Variants in CCDC38 observed in about 807,000 individuals in gnomAD.
CCDC38 encodes coiled-coil domain-containing protein 38.
A neutral mutation model predicts 72.8 loss-of-function variants in CCDC38; 69 were observed. That is an observed-to-expected ratio of 0.95 (90% CI 0.78 to 1.16). The LOEUF (loss-of-function observed/expected upper bound fraction) is 1.16. Among genes scored for constraint, CCDC38 ranks in the 50% most tolerant of loss-of-function variants. The pLI, the probability that CCDC38 is intolerant of heterozygous loss-of-function variation, is 0.00. For synonymous variants in CCDC38, 201 were observed against 213.2 expected (o/e 0.94, Z 0.50); for missense variants, 626 against 638.9 (o/e 0.98, Z 0.22).
chr12:95,934,274 G>A (rs1313895493), intron 2 of CCDC38: 2 of 152,120 alleles, frequency 1.3e-5, no homozygotes, highest in Non-Finnish European at 2.9e-5. Flanking sequence ...TGTAGTTATT[G>A]TCAGGTTGTA....
At chr12:95,895,463 G>A (rs978744664) in intron 7 of CCDC38, among the ~76,000 whole-genome samples, 1 of 152,012 alleles carries the variant, frequency 6.6e-6, no homozygotes, top group Non-Finnish European at 1.5e-5. Context: ...TTAGAAGGTA[G>A]CAAAAGGGCC....
chr12:95,890,698 C>G, intron 9 of CCDC38, 134 bp downstream of exon 9: 1 of 550,708 alleles, frequency 1.8e-6, no homozygotes, highest in Non-Finnish European at 3.2e-6. Context: ...AGAACCAGAG[C>G]CCCTGGCTGC....
intron 8 of CCDC38, among the ~76,000 whole-genome samples, chr12:95,893,144 C>T (rs1023781151): frequency 6.6e-6 from 1 of 152,132 alleles, no homozygotes; most frequent in African/African-American, 2.4e-5. Context: ...AAAACTTATA[C>T]ATTAGTTTTA....
At chr12:95,919,166 CG>C (rs1458684116) in intron 2 of CCDC38, among the ~76,000 whole-genome samples, 190 bp from the exon 3 acceptor site, 1 of 152,154 alleles carries the variant, frequency 6.6e-6, no homozygotes, top group South Asian at 2.1e-4. Flanking sequence ...ATTTGTGGAT[CG>C]GGCAGCCCCC....
chr12:95,897,800 T>G (rs1386304093), intron 7 of CCDC38, among the ~76,000 whole-genome samples: 1 of 152,114 alleles, frequency 6.6e-6, no homozygotes, highest in Admixed American at 6.6e-5. Flanking sequence ...CCCACTGTGT[T>G]GCTAAGACTT....
Position 95,900,666 on chromosome 12 carries a change from CTGAG to C in CCDC38, c.370-1939_370-1936del, listed in dbSNP as rs139987978. On this transcript the variant is annotated intron_variant, in intron 5 of 15. Coordinates refer to ENST00000344280, the MANE Select transcript of CCDC38 (RefSeq NM_182496.3). ...ACCTGTGCAATTGTCATTAGAATGCCTGAGTATTTGTACTGGCAAAAATACATAT... is the reference window on the plus strand; with the variant it reads ...ACCTGTGCAATTGTCATTAGAATGCCTATTTGTACTGGCAAAAATACATAT... Among the ~76,000 whole-genome samples, 41 of 152,194 alleles carry C rather than the reference CTGAG, an allele frequency of 2.7e-4. No homozygotes were observed. The East Asian group carries it at 5.0e-3, about 19-fold the overall frequency.
chr12:95,900,647 G>A (rs1380230279), intron 5 of CCDC38, among the ~76,000 whole-genome samples: 2 of 152,122 alleles, frequency 1.3e-5, no homozygotes, highest in African/African-American at 4.8e-5. Flanking sequence ...TTACACCTGT[G>A]CAATTGTCAT....
At position 95,867,158 on chromosome 12, in the gene CCDC38, G is replaced by T. The variant is rs746895617; in HGVS notation, c.1610C>A (p.Pro537His). 2 of 1,606,188 alleles carry T rather than the reference G, an allele frequency of 1.2e-6. No homozygotes were observed. The highest frequency in any genetic ancestry group is 1.7e-6 in the Non-Finnish European group (2 of 1,175,360). The change falls in exon 16 of 16, where the codon CCT (proline) becomes CAT (histidine). Residue 537 changes from proline (P) to histidine (H), a missense_variant. By Grantham distance (77) the Pro-to-His change is moderately conservative. Coordinates refer to ENST00000344280, the MANE Select transcript of CCDC38 (RefSeq NM_182496.3). ...TAGCTGCTGTTTGTTACCAGATGGA[G>T]GTTTTGAATGAAAGACAAGTCGTCT... The part of the protein sequence containing the change: ...LGRRLVFHSK[P>H]PSGNKQQLPL...
At chr12:95,933,762 T>G (rs547438097) in intron 2 of CCDC38, 6 of 152,360 alleles carry the variant, frequency 3.9e-5, no homozygotes, top group African/African-American at 1.4e-4. Context: ...AGCAATAAGC[T>G]GAAAACAACC....
intron 1 of CCDC38, among the ~76,000 whole-genome samples, chr12:95,937,982 C>T (rs925611812): frequency 1.3e-5 from 2 of 152,176 alleles, no homozygotes; most frequent in Non-Finnish European, 2.9e-5. Flanking sequence ...CTTGAGGATT[C>T]AGTGGGCAAT....
intron 5 of CCDC38, chr12:95,903,461 T>C (rs1325591781): frequency 1.4e-6 from 1 of 700,208 alleles, no homozygotes; most frequent in African/African-American, 1.7e-5. Flanking sequence ...CCTTGCCTTG[T>C]TCCTAATCTT....
intron 4 of CCDC38, among the ~76,000 whole-genome samples, chr12:95,912,065 C>A (rs1300375687): frequency 3.9e-5 from 6 of 152,174 alleles, no homozygotes; most frequent in Admixed American, 3.9e-4. Flanking sequence ...TCCTTTGCAG[C>A]AACATGGATA....
chr12:95,894,055 C>T (rs1414748586), intron 8 of CCDC38, among the ~76,000 whole-genome samples: 1 of 152,044 alleles, frequency 6.6e-6, no homozygotes, highest in African/African-American at 2.4e-5. Flanking sequence ...CCCGTCTCTA[C>T]TAAAAATACA....
At chr12:95,936,382 G>A in intron 2 of CCDC38, 91 bp downstream of exon 2, 1 of 1,163,064 alleles carries the variant, frequency 8.6e-7, no homozygotes, top group South Asian at 1.5e-5. Flanking sequence ...TATTTATGGT[G>A]TAACATTCTC....
intron 13 of CCDC38, among the ~76,000 whole-genome samples, chr12:95,875,011 G>C (rs139028640): frequency 6.6e-6 from 1 of 152,244 alleles, no homozygotes; most frequent in African/African-American, 2.4e-5. Context: ...TCCTCACATT[G>C]AACAGTGGAG....
intron 13 of CCDC38, among the ~76,000 whole-genome samples, chr12:95,874,003 A>G (rs1317887105): frequency 6.6e-6 from 1 of 152,240 alleles, no homozygotes; most frequent in African/African-American, 2.4e-5. Context: ...ATAATATAAA[A>G]GAAAACAGCA....
intron 10 of CCDC38, among the ~76,000 whole-genome samples, chr12:95,882,454 G>T (rs1428965922): frequency 6.6e-6 from 1 of 152,104 alleles, no homozygotes; most frequent in East Asian, 1.9e-4. Context: ...ATAAGGAAAA[G>T]ATTAATATTT....
At chr12:95,898,264 G>T in intron 7 of CCDC38, 121 bp downstream of exon 7, 1 of 969,268 alleles carries the variant, frequency 1.0e-6, no homozygotes, top group Non-Finnish European at 1.6e-6. Context: ...TTTAAAATTC[G>T]TTCATACTTA....
intron 2 of CCDC38, among the ~76,000 whole-genome samples, chr12:95,921,570 A>G (rs935507906): frequency 6.6e-6 from 1 of 152,120 alleles, no homozygotes; most frequent in Non-Finnish European, 1.5e-5. Flanking sequence ...CACTATCACA[A>G]GAGCATGGGG....
Sources: gnomAD v4.1 joint callset for allele counts (sites outside exome capture counted in the v4.1 genomes callset) on GRCh38, gnomAD v4.1.1 for gene constraint, MANE v1.5 for transcripts, NCBI Gene and HGNC (gene_info 2026-07-23, HGNC 2026-07-21) for gene names.